The following CR2 variants were observed in gnomAD, a reference collection of about 807,000 sequenced individuals.
CR2 encodes the protein complement receptor type 2.
In CR2, 96 loss-of-function variants were observed where a neutral mutation model predicts 123.0. The observed-to-expected ratio is 0.78, with a 90% CI of 0.66 to 0.93. The LOEUF is 0.93. CR2 is among the 40% of genes least tolerant of loss of function. CR2 has a pLI of 0.00. For synonymous variants in CR2, 484 were observed against 469.5 expected (o/e 1.03, Z -0.40); for missense variants, 1,258 against 1,361.0 (o/e 0.92, Z 1.19).
intron 1 of CR2, among the ~76,000 whole-genome samples, chr1:207,464,845 A>G (rs187316699): frequency 1.4e-4 from 21 of 152,230 alleles, no homozygotes; most frequent in Admixed American, 1.3e-3. Flanking sequence ...GATATATGGT[A>G]CCTATGGAAA....
At chr1:207,479,920 C>A in intron 17 of CR2, 58 bp from the exon 18 acceptor site, 2 of 1,304,506 alleles carry the variant, frequency 1.5e-6, no homozygotes, top group South Asian at 1.2e-5. Flanking sequence ...TGCAATCAGT[C>A]AGAACAATGT....
chr1:207,472,663 C>T (rs1658313722), intron 9 of CR2, 109 bp from the exon 10 acceptor site: 1 of 1,093,656 alleles, frequency 9.1e-7, no homozygotes, highest in African/African-American at 1.6e-5. Context: ...AAAATGTACC[C>T]ATACCGTCCA....
intron 15 of CR2, among the ~76,000 whole-genome samples, chr1:207,476,805 C>T (rs1038458149): frequency 2.0e-5 from 3 of 152,218 alleles, no homozygotes; most frequent in African/African-American, 7.2e-5. Context: ...ATTATGGGTA[C>T]ATTTTTAATA....
At position 207,476,139 on chromosome 1, in the gene CR2, G is replaced by A. The variant is rs374793451; in HGVS notation, c.2717-95G>A. On this transcript the variant is annotated intron_variant, in intron 14 of 19. Transcript: ENST00000367057. ...TTGGATACCAGTTAGTTGGCTTGTT[G>A]CTTCTGGCCTTCCTGTATCGCTATC... The A allele has an allele frequency of 2.1e-4, 257 of 1,207,144 alleles. 2 individuals are homozygous for A. The African/African-American group carries it at 3.4e-3, about 16-fold the overall frequency. 74.8% of individuals were successfully genotyped at this position (1,207,144 alleles called of 1,614,324 possible). A position where few individuals can be genotyped will look rare whatever the true frequency, so the allele number is the denominator to read the frequency against.
rs59735642 is a variant in CR2 at position 207,458,059 on chromosome 1, AACAC to A, written c.58+3620_58+3623del. ...ACACAATTCCCTACCTCAAGGCCAC[AACAC>A]ACACACACACACACACACACACACA... On this transcript the variant is annotated intron_variant, in intron 1 of 19. Coordinates refer to ENST00000367057, the MANE Select transcript of CR2 (RefSeq NM_001006658.3). Among the ~76,000 whole-genome samples the A allele has an allele frequency of 1.7e-3, 203 of 122,650 alleles. 1 individual carries two copies. The highest frequency in any genetic ancestry group is 4.4e-3 in the African/African-American group (134 of 30,788). 80.5% of individuals were successfully genotyped at this position (122,650 alleles called of 152,430 possible).
chr1:207,484,049 A>G (rs1451947087), intron 18 of CR2, among the ~76,000 whole-genome samples: 1 of 152,210 alleles, frequency 6.6e-6, no homozygotes, highest in African/African-American at 2.4e-5. Flanking sequence ...GGCCTTCCTC[A>G]TAGGAAGTCA....
Position 207,479,292 on chromosome 1 carries a change from T to C in CR2, c.3112+12T>C. 2.5e-6 allele frequency: 4 copies of C among 1,581,960 alleles called. No homozygotes were observed. The highest frequency in any genetic ancestry group is 3.5e-6 in the Non-Finnish European group (4 of 1,151,956). On this transcript the variant is annotated intron_variant, in intron 17 of 19. Transcript: ENST00000367057. Reference sequence around the variant, plus strand: ...TCCTGTCCTTTGTGGTAAGTCTTCTTAAATACTTGAAGAAAAGCTCTTATA... The same window carrying C: ...TCCTGTCCTTTGTGGTAAGTCTTCTCAAATACTTGAAGAAAAGCTCTTATA...
chr1:207,470,070 C>T lies in CR2; in HGVS notation c.1193C>T (p.Thr398Ile), dbSNP rs763032653. The T allele has an allele frequency of 3.0e-5, 49 of 1,613,874 alleles. No individual in the cohort carries two copies. Among genetic ancestry groups the T allele is most frequent in the Non-Finnish European group, 4.1e-5 (48 of 1,179,890 alleles). ...SKQIRCNAQG[T>I]WEPSAPVCEK... Reference sequence around the variant, plus strand: ...CAAATCCGATGCAATGCCCAAGGCACATGGGAGCCATCTGCACCAGTCTGT... The same window carrying T: ...CAAATCCGATGCAATGCCCAAGGCATATGGGAGCCATCTGCACCAGTCTGT... Residue 398 changes from threonine (T) to isoleucine (I), a missense_variant, in exon 6 of 20, where the codon ACA (threonine) becomes ATA (isoleucine). By Grantham distance (89) the Thr-to-Ile change is moderately conservative. Transcript: ENST00000367057.
Position 207,468,549 on chromosome 1 carries a change from A to G in CR2, c.468A>G (p.Ala156=), listed in dbSNP as rs778471118. ...AAGTTTTCCCTCTCGAGTGTCCAGCACTTCCTATGATCCACAATGGACATC... is the reference window on the plus strand; with the variant it reads ...AAGTTTTCCCTCTCGAGTGTCCAGCGCTTCCTATGATCCACAATGGACATC... ...CVSVFPLECP[A]LPMIHNGHHT... is the part of the protein sequence containing the mutation. The change falls in exon 3 of 20, where the codon GCA becomes GCG. Residue 156 remains alanine (A), a synonymous_variant. Coordinates refer to ENST00000367057, the MANE Select transcript of CR2 (RefSeq NM_001006658.3). The G allele has an allele frequency of 6.2e-7, 1 of 1,613,908 alleles. No individual in the cohort carries two copies. Among genetic ancestry groups the G allele is most frequent in the South Asian group, 1.1e-5 (1 of 91,078 alleles).
At chr1:207,467,660 G>A (rs1275716574) in intron 2 of CR2, among the ~76,000 whole-genome samples, 1 of 152,158 alleles carries the variant, frequency 6.6e-6, no homozygotes, top group African/African-American at 2.4e-5. Flanking sequence ...AGTATAAAAT[G>A]GGATTCTGTT....
At chr1:207,479,412 A>G (rs1658543273) in intron 17 of CR2, 132 bp downstream of exon 17, 2 of 687,050 alleles carry the variant, frequency 2.9e-6, no homozygotes, top group Non-Finnish European at 5.1e-6. Context: ...TGTTTTAAAG[A>G]TACTTCAATG....
intron 9 of CR2, among the ~76,000 whole-genome samples, 200 bp from the exon 10 acceptor site, chr1:207,472,572 G>C (rs147482182): frequency 6.6e-6 from 1 of 152,062 alleles, no homozygotes; most frequent in Non-Finnish European, 1.5e-5. Context: ...CATTCACTTT[G>C]AATAAAGATT....
chr1:207,477,478 C>T (rs916131237), intron 15 of CR2, among the ~76,000 whole-genome samples: 28 of 152,050 alleles, frequency 1.8e-4, no homozygotes, highest in Non-Finnish European at 5.9e-5. Flanking sequence ...CTATTGATGA[C>T]TACACTGAAA....
intron 1 of CR2, among the ~76,000 whole-genome samples, chr1:207,462,541 A>G (rs1254440491): frequency 6.6e-6 from 1 of 152,200 alleles, no homozygotes; most frequent in African/African-American, 2.4e-5. Context: ...TTAAATGTGC[A>G]GAGTGGCATG....
intron 1 of CR2, among the ~76,000 whole-genome samples, chr1:207,463,135 G>A (rs1558187844): frequency 6.6e-6 from 1 of 152,124 alleles, no homozygotes; most frequent in African/African-American, 2.4e-5. Context: ...TTCTTTTGTA[G>A]ATAAATCATG....
rs766380716 is a variant in CR2 at position 207,480,049 on chromosome 1, G to A, written c.3184G>A (p.Ala1062Thr). The A allele has an allele frequency of 3.1e-6, 5 of 1,611,170 alleles. No individual in the cohort carries two copies. In the African/African-American group the frequency reaches 5.3e-5, roughly 17 times the overall value. ...ITLYVISKHR[A>T]RNYYTDTSQK... The stretch of plus-strand genomic sequence containing the variant: ...CTTATACGTGATATCAAAACACAGA[G>A]CACGGTAAGTTCAAAGGCGAATACT... The change falls in exon 18 of 20, where the codon GCA becomes ACA. Residue 1062 changes from alanine (A) to threonine (T), a missense_variant. Ala to Thr is a moderately conservative substitution (Grantham distance 58). Transcript: ENST00000367057.
chr1:207,461,428 T>C (rs1235184375), intron 1 of CR2, among the ~76,000 whole-genome samples: 1 of 152,212 alleles, frequency 6.6e-6, no homozygotes, highest in Non-Finnish European at 1.5e-5. Context: ...TCTGAGCTTA[T>C]TTCTGTGTAT....
chr1:207,475,195 G>T lies in CR2; in HGVS notation c.2695G>T (p.Val899Leu), dbSNP rs1372335041. The T allele has an allele frequency of 6.2e-7, 1 of 1,613,860 alleles. No homozygotes were observed. Among genetic ancestry groups the T allele is most frequent in the Non-Finnish European group, 8.5e-7 (1 of 1,179,944 alleles). The change falls in exon 14 of 20, where the codon GTG becomes TTG. Residue 899 changes from valine (V) to leucine (L), a missense_variant. Transcript: ENST00000367057. Reference sequence around the variant, plus strand: ...TACTGATAACACATGGGTGCCAGGTGTGCCAACTTGTATCAAAAAAGGTAA... The same window carrying T: ...TACTGATAACACATGGGTGCCAGGTTTGCCAACTTGTATCAAAAAAGGTAA... Reference protein sequence around the residue: ...CHTDNTWVPGVPTCIKKAFIG... With the variant: ...CHTDNTWVPGLPTCIKKAFIG...
At position 207,464,213 on chromosome 1, in the gene CR2, T is replaced by C. The variant is rs190640160; in HGVS notation, c.59-2313T>C. On this transcript the variant is annotated intron_variant, in intron 1 of 19. Coordinates refer to ENST00000367057, the MANE Select transcript of CR2 (RefSeq NM_001006658.3). ...TTTCGGTTTTTATCAGCCAGTTCCA[T>C]ATATCTTTTGACCTTGCTACTTCCT... Among the ~76,000 whole-genome samples, 174 of 152,346 alleles carry C rather than the reference T, an allele frequency of 1.1e-3. 2 individuals carry two copies. The highest frequency in any genetic ancestry group is 1.6e-4 in the Non-Finnish European group (11 of 68,012).
Sources: allele counts gnomAD v4.1 joint callset (sites outside exome capture counted in the v4.1 genomes callset), GRCh38; gene constraint gnomAD v4.1.1; transcripts MANE v1.5; gene names NCBI Gene and HGNC (gene_info 2026-07-23, HGNC 2026-07-21).